The following DCC variants were observed in gnomAD, a reference collection of about 807,000 sequenced individuals.
DCC encodes the protein DCC netrin 1 receptor.
Under a neutral mutation model 172.5 loss-of-function variants are expected in DCC, and 58 were observed. The ratio of observed to expected loss-of-function variants is 0.34; its 90% CI spans 0.27 to 0.42. The LOEUF (loss-of-function observed/expected upper bound fraction) is 0.42. DCC is among the 10% of genes least tolerant of loss of function. The pLI, the probability that DCC is intolerant of heterozygous loss-of-function variation, is 1.00. For synonymous variants in DCC, 709 were observed against 644.5 expected, an observed-to-expected ratio of 1.10 and a Z score of -1.52; for missense variants, 1,740 against 1,791.0, an observed-to-expected ratio of 0.97 and a Z score of 0.51.
chr18:53,046,294 G>A (rs961527179), intron 5 of DCC, among the ~76,000 whole-genome samples: 5 of 151,742 alleles, frequency 3.3e-5, no homozygotes, highest in African/African-American at 1.2e-4. Context: ...TTCATGAGAT[G>A]GTAATGTTGG....
chr18:53,451,885 C>A (rs1233308988), intron 23 of DCC, among the ~76,000 whole-genome samples: 1 of 148,848 alleles, frequency 6.7e-6, no homozygotes, highest in Non-Finnish European at 1.5e-5. Context: ...GGTGTAGATG[C>A]AGGCTTTGTA....
intron 8 of DCC, among the ~76,000 whole-genome samples, chr18:53,161,060 G>A (rs533535180): frequency 1.1e-4 from 17 of 152,234 alleles, no homozygotes; most frequent in African/African-American, 3.4e-4. Flanking sequence ...GCATGTAGTC[G>A]AATCTTCCAT....
In DCC at chr18:53,386,028, C is replaced by T; in HGVS notation, c.2360-15C>T. ...ATATATCAACACGTTCATATTGTTT[C>T]TGTTTTTTCTCCAGAGTCAAGTTCC... On this transcript the variant is annotated splice_polypyrimidine_tract_variant and intron_variant, in intron 15 of 28. Transcript: ENST00000442544. The T allele has an allele frequency of 6.5e-7, 1 of 1,529,096 alleles. No homozygotes were observed. The highest frequency in any genetic ancestry group is 9.1e-7 in the Non-Finnish European group (1 of 1,102,550). The allele number at this position is 1,529,096 out of a possible 1,614,324, so 94.7% of individuals were successfully genotyped here.
intron 1 of DCC, among the ~76,000 whole-genome samples, chr18:52,645,301 C>T (rs1226431598): frequency 1.3e-5 from 2 of 151,748 alleles, no homozygotes; most frequent in Non-Finnish European, 2.9e-5. Flanking sequence ...TAGCTCTCAG[C>T]CTTAAAGAGA....
At chr18:52,949,282 T>C (rs528182580) in intron 5 of DCC, among the ~76,000 whole-genome samples, 45 of 152,292 alleles carry the variant, frequency 3.0e-4, no homozygotes, top group Non-Finnish European at 5.6e-4. Context: ...AGTTCTTGAC[T>C]CTGAAGCTTA....
chr18:52,506,397 T>C (rs1389445570), intron 1 of DCC, among the ~76,000 whole-genome samples: 1 of 152,116 alleles, frequency 6.6e-6, no homozygotes, highest in East Asian at 1.9e-4. Flanking sequence ...ATTTATGATA[T>C]AATAGGGTTT....
At position 52,584,737 on chromosome 18, in the gene DCC, G is replaced by A. The variant is rs372872147; in HGVS notation, c.92-167317G>A. On this transcript the variant is annotated intron_variant, in intron 1 of 28. Transcript: ENST00000442544. The stretch of plus-strand genomic sequence containing the variant: ...TTTTTTTTTGGAGAGACATGGTCTC[G>A]CTTTGTTGCCGAGACTGGTCTCGAG... 2.7e-4 allele frequency among the ~76,000 whole-genome samples: 41 copies of A among 149,484 alleles called. 2 individuals carry two copies. The East Asian group carries it at 2.8e-3, about 10-fold the overall frequency.
At chr18:53,336,321 T>G (rs570092903) in intron 14 of DCC, among the ~76,000 whole-genome samples, 1 of 152,334 alleles carries the variant, frequency 6.6e-6, no homozygotes, top group African/African-American at 2.4e-5. Context: ...AGTAACCACT[T>G]TCCTAATCCA....
chr18:52,564,301 G>T lies in DCC; in HGVS notation c.92-187753G>T, dbSNP rs1333790448. On this transcript the variant is annotated intron_variant, in intron 1 of 28. Coordinates refer to ENST00000442544, the MANE Select transcript of DCC (RefSeq NM_005215.4). ...TATAGTCATTGTTCTAACTTTCAGA[G>T]AGATGAAGTTATTTTGAAAGAAATT... 3.3e-5 allele frequency among the ~76,000 whole-genome samples: 5 copies of T among 152,188 alleles called. No individual in the cohort carries two copies. In the East Asian group the frequency reaches 9.7e-4, roughly 30 times the overall value.
Position 53,231,515 on chromosome 18 carries a change from G to A in DCC, c.1911+15918G>A, listed in dbSNP as rs896615399. Among the ~76,000 whole-genome samples, 49 of 152,074 alleles carry A rather than the reference G, an allele frequency of 3.2e-4. 1 individual carries two copies. Among genetic ancestry groups the A allele is most frequent in the East Asian group, 1.2e-3 (6 of 5,194 alleles). The stretch of plus-strand genomic sequence containing the variant: ...TAATGCAAGCAATCAGCTATTCTTT[G>A]CCTGTCTTTGCAGAAGATTGTGACC... On this transcript the variant is annotated intron_variant, in intron 12 of 28. Transcript: ENST00000442544.
intron 5 of DCC, among the ~76,000 whole-genome samples, chr18:52,968,112 AT>A (rs1191290557): frequency 6.6e-6 from 1 of 152,188 alleles, no homozygotes; most frequent in Non-Finnish European, 1.5e-5. Context: ...ATTAGAATAG[AT>A]TTTGGTATTA....
chr18:53,063,446 A>T lies in DCC; in HGVS notation c.1127A>T (p.Tyr376Phe). Residue 376 changes from tyrosine (Y) to phenylalanine (F), a missense_variant, in exon 6 of 29, where the codon TAT (tyrosine) becomes TTT (phenylalanine). Around this residue, in one of 2 missense-constraint regions of DCC, gnomAD observed 1,732 missense variants for 1,767.4 expected, o/e 0.98. Transcript: ENST00000442544. ...KNGDVVIPSD[Y>F]FQIVGGSNLR... ...GGAGATGTGGTCATTCCTAGTGATT[A>T]TTTTCAGATAGTGGTAATTATTTTG... The T allele has an allele frequency of 1.2e-6, 2 of 1,607,806 alleles. No homozygotes were observed. Among genetic ancestry groups the T allele is most frequent in the Non-Finnish European group, 1.7e-6 (2 of 1,175,266 alleles).
chr18:53,452,141 T>C (rs540475961), intron 23 of DCC, among the ~76,000 whole-genome samples: 1 of 152,186 alleles, frequency 6.6e-6, no homozygotes, highest in Non-Finnish European at 1.5e-5. Context: ...GAGTAAGGCA[T>C]TGAACAATCT....
chr18:53,375,011 G>T (rs78753730), intron 15 of DCC, among the ~76,000 whole-genome samples: 1 of 152,130 alleles, frequency 6.6e-6, no homozygotes, highest in African/African-American at 2.4e-5. Context: ...TGGGTGGATT[G>T]GAAAGTAGGA....
chr18:52,793,827 C>T lies in DCC; in HGVS notation c.412+41453C>T, dbSNP rs534554781. Among the ~76,000 whole-genome samples, 198 of 152,232 alleles carry T rather than the reference C, an allele frequency of 1.3e-3. 1 individual carries two copies. The highest frequency in any genetic ancestry group is 4.6e-3 in the African/African-American group (189 of 41,536). ...TGATTTTTGTATGTGGCAAGAGATA[C>T]GGGTGTAGTTTCATTCTTCTGCCTG... On this transcript the variant is annotated intron_variant, in intron 2 of 28. Transcript: ENST00000442544.
chr18:53,200,202 G>A (rs183358321), intron 9 of DCC, among the ~76,000 whole-genome samples: 12 of 152,246 alleles, frequency 7.9e-5, no homozygotes, highest in African/African-American at 2.4e-4. Flanking sequence ...ATTAAGCTAC[G>A]TAGATATAAA....
At chr18:53,453,276 T>A (rs1004899839) in intron 23 of DCC, among the ~76,000 whole-genome samples, 1 of 152,134 alleles carries the variant, frequency 6.6e-6, no homozygotes, top group Admixed American at 6.6e-5. Flanking sequence ...TGCATCACAA[T>A]TGAGCCCTTC....
intron 5 of DCC, chr18:52,941,166 G>T (rs1459011218): frequency 6.6e-6 from 1 of 152,030 alleles, no homozygotes; most frequent in Non-Finnish European, 1.5e-5. Context: ...AAGCTTGAAG[G>T]TACTTTTAGG....
chr18:53,527,698 GA>G (rs915838298), intron 28 of DCC, among the ~76,000 whole-genome samples: 1,961 of 145,220 alleles, frequency 0.014, 45 homozygotes, highest in African/African-American at 0.046. Flanking sequence ...AGAATTTTAA[GA>G]AAAAAAAAAC....
Sources: gnomAD v4.1 joint callset for allele counts (sites outside exome capture counted in the v4.1 genomes callset) on GRCh38, gnomAD v4.1.1 for gene constraint, gnomAD v4.1.1 regional missense constraint, MANE v1.5 for transcripts, NCBI Gene and HGNC (gene_info 2026-07-23, HGNC 2026-07-21) for gene names.